Variants in ANTXR2 observed in about 807,000 individuals in gnomAD.
The protein encoded by ANTXR2 is ANTXR cell adhesion molecule 2, also known as anthrax toxin receptor 2.
A neutral mutation model predicts 73.7 loss-of-function variants in ANTXR2; 44 were observed. The ratio of observed to expected loss-of-function variants is 0.60; its 90% CI spans 0.47 to 0.77. The LOEUF (loss-of-function observed/expected upper bound fraction) is 0.77, where lower values mean the gene tolerates loss of function less well. Ranked by LOEUF, ANTXR2 falls within the 30% of genes least tolerant of loss-of-function variation. The pLI, the probability that ANTXR2 is intolerant of heterozygous loss-of-function variation, is 0.00. For synonymous variants in ANTXR2, 217 were observed against 205.9 expected (o/e 1.05, Z -0.46); for missense variants, 604 against 592.5 (o/e 1.02, Z -0.20).
intron 7 of ANTXR2, among the ~76,000 whole-genome samples, chr4:80,048,881 T>C (rs763009300): frequency 6.6e-6 from 1 of 151,736 alleles, no homozygotes; most frequent in South Asian, 2.1e-4. Flanking sequence ...TAGGTACTTT[T>C]TGAAATTTCA....
At chr4:79,983,993 T>C in intron 13 of ANTXR2, 23 bp from the exon 14 acceptor site, 1 of 1,469,522 alleles carries the variant, frequency 6.8e-7, no homozygotes, top group East Asian at 2.4e-5. Flanking sequence ...GTTTTATAAA[T>C]AGTTTTTAAT....
At chr4:79,960,904 A>G (rs1041369033) in intron 16 of ANTXR2, among the ~76,000 whole-genome samples, 1 of 151,996 alleles carries the variant, frequency 6.6e-6, no homozygotes, top group Non-Finnish European at 1.5e-5. Flanking sequence ...AAAATGAGAG[A>G]TATTTAGCAA....
At chr4:79,980,944 A>G (rs1553929944) in intron 14 of ANTXR2, among the ~76,000 whole-genome samples, 1 of 122,522 alleles carries the variant, frequency 8.2e-6, no homozygotes, top group Non-Finnish European at 1.9e-5. Context: ...AAAAAAAAAG[A>G]GAAGTACCTT....
chr4:80,023,911 G>C (rs1304822423), intron 10 of ANTXR2, among the ~76,000 whole-genome samples: 1 of 152,204 alleles, frequency 6.6e-6, no homozygotes, highest in East Asian at 1.9e-4. Flanking sequence ...CGTCTTAAGA[G>C]TTTTAAGTTT....
In ANTXR2 at chr4:80,059,995, C is replaced by T. The variant is rs139530767; in HGVS notation, c.297-3982G>A. 5.9e-5 allele frequency among the ~76,000 whole-genome samples: 9 copies of T among 152,222 alleles called. No individual in the cohort carries two copies. The East Asian group carries it at 1.4e-3, about 23-fold the overall frequency. On this transcript the variant is annotated intron_variant, in intron 3 of 16. Transcript: ENST00000403729. ...CAGTATCTCCTACTTTTTCTTTCTA[C>T]GATGTGTCTGTACAGTACTTGAACT...
intron 16 of ANTXR2, among the ~76,000 whole-genome samples, chr4:79,966,877 C>T (rs965314575): frequency 3.4e-4 from 51 of 151,992 alleles, no homozygotes; most frequent in Middle Eastern, 3.4e-3. Context: ...AAGATATTTA[C>T]TGTGCTGGCG....
chr4:79,908,909 A>G (rs1727019070), intron 16 of ANTXR2, among the ~76,000 whole-genome samples: 1 of 152,186 alleles, frequency 6.6e-6, no homozygotes, highest in Admixed American at 6.5e-5. Flanking sequence ...CCAAAACACA[A>G]TAAAACAATA....
chr4:80,050,881 G>C (rs62298645), intron 7 of ANTXR2, among the ~76,000 whole-genome samples: 20,492 of 151,452 alleles, frequency 0.14, 2,764 homozygotes, highest in East Asian at 0.71. Flanking sequence ...ATTAATCTTC[G>C]ATAATTTCCT....
At chr4:80,047,018 C>T (rs895574759) in intron 7 of ANTXR2, among the ~76,000 whole-genome samples, 1 of 151,668 alleles carries the variant, frequency 6.6e-6, no homozygotes, top group Admixed American at 6.6e-5. Context: ...AGCAGGTAAG[C>T]CTCTGTAGGA....
At position 79,903,509 on chromosome 4, in the gene ANTXR2, A is replaced by G. The variant is rs1227155174; in HGVS notation, c.*3920T>C. ...TTTGGCAGGAGAGCACAAAAATAAA[A>G]TACATTAAAAAACCAGCGCAGAACC... On this transcript the variant is annotated 3_prime_UTR_variant, in exon 17 of 17. Transcript: ENST00000403729. 6.6e-6 allele frequency: 1 copy of G among 152,176 alleles called. No homozygotes were observed. The highest frequency in any genetic ancestry group is 1.9e-4 in the East Asian group (1 of 5,192). The allele number at this position is 152,176 out of a possible 1,614,324, so 9.4% of individuals were successfully genotyped here.
intron 16 of ANTXR2, among the ~76,000 whole-genome samples, chr4:79,910,965 C>A (rs183860000): frequency 7.4e-6 from 1 of 135,944 alleles, no homozygotes; most frequent in South Asian, 2.3e-4. Context: ...TGCTGCCATC[C>A]GCTTACCAGA....
chr4:79,913,751 C>T (rs542922324), intron 16 of ANTXR2, among the ~76,000 whole-genome samples: 15 of 152,228 alleles, frequency 9.9e-5, no homozygotes, highest in East Asian at 1.9e-4. Context: ...GTGTAAACCA[C>T]GAAGTCCTGT....
At chr4:80,003,661 A>G (rs1560973413) in intron 12 of ANTXR2, among the ~76,000 whole-genome samples, 2 of 152,088 alleles carry the variant, frequency 1.3e-5, no homozygotes, top group Non-Finnish European at 2.9e-5. Context: ...GCACACGAAA[A>G]CATGTTCCTC....
At chr4:80,071,540 C>T (rs766652512) in intron 2 of ANTXR2, 43 bp downstream of exon 2, 3 of 1,502,132 alleles carry the variant, frequency 2.0e-6, no homozygotes, top group East Asian at 2.3e-5. Context: ...CTACACTTTG[C>T]TCTACTTCTC....
chr4:80,008,526 T>C lies in ANTXR2; in HGVS notation c.1036A>G (p.Lys346Glu). 6.2e-7 allele frequency: 1 copy of C among 1,606,890 alleles called. No individual in the cohort carries two copies. The highest frequency in any genetic ancestry group is 2.2e-5 in the East Asian group (1 of 44,468). The stretch of plus-strand genomic sequence containing the variant: ...TGTAAATCCTTCTTACTCACCACTT[T>C]GCAGCAAAGGGGCCAAAACCACCAC... Reference protein sequence around the residue: ...LMWWFWPLCCKVVIKDPPPPP... With the variant: ...LMWWFWPLCCEVVIKDPPPPP... The change falls in exon 12 of 17, where the codon AAA (lysine) becomes GAA (glutamate). Residue 346 changes from lysine (K) to glutamate (E), a missense_variant. Coordinates refer to ENST00000403729, the MANE Select transcript of ANTXR2 (RefSeq NM_058172.6).
rs1050601119 is a variant in ANTXR2, at chr4:80,072,818, GTCC to G, written c.-261_-259del. On this transcript the variant is annotated 5_prime_UTR_variant, in exon 1 of 17. Transcript: ENST00000403729. ...CGAATCCCAGTGGAAGCGCGATCCA[GTCC>G]TCCCCCTCCCGATTCCGGAGAGTTC... is the stretch of plus-strand genomic sequence containing the variant. The G allele has an allele frequency of 1.5e-5, 13 of 856,144 alleles. No homozygotes were observed. In the African/African-American group the frequency reaches 2.3e-4, roughly 15 times the overall value. 53.0% of individuals were successfully genotyped at this position (856,144 alleles called of 1,614,324 possible).
chr4:80,041,125 G>T (rs1200423567), intron 7 of ANTXR2, among the ~76,000 whole-genome samples: 1 of 151,866 alleles, frequency 6.6e-6, no homozygotes, highest in Non-Finnish European at 1.5e-5. Context: ...TTTTATCCAT[G>T]TTTTATTGAT....
chr4:79,929,767 C>T (rs1245318151), intron 16 of ANTXR2, among the ~76,000 whole-genome samples: 2 of 152,072 alleles, frequency 1.3e-5, no homozygotes, highest in Non-Finnish European at 2.9e-5. Context: ...AAACCAGTTA[C>T]AAACATCTTT....
chr4:79,926,819 A>C lies in ANTXR2; in HGVS notation c.1429-19352T>G, dbSNP rs2109953171. Among the ~76,000 whole-genome samples, 2 of 152,118 alleles carry C rather than the reference A, an allele frequency of 1.3e-5. 1 individual carries two copies. The highest frequency in any genetic ancestry group is 4.2e-4 in the South Asian group (2 of 4,818). On this transcript the variant is annotated intron_variant, in intron 16 of 16. Coordinates refer to ENST00000403729, the MANE Select transcript of ANTXR2 (RefSeq NM_058172.6). Reference sequence around the variant, plus strand: ...TTATTCACAGTAGCCAAGATATGGAAACAATGTAAGTATCCATCAGCAGAT... The same window carrying C: ...TTATTCACAGTAGCCAAGATATGGACACAATGTAAGTATCCATCAGCAGAT...
Sources: gnomAD v4.1 joint callset for allele counts (sites outside exome capture counted in the v4.1 genomes callset) on GRCh38, gnomAD v4.1.1 for gene constraint, MANE v1.5 for transcripts, NCBI Gene and HGNC (gene_info 2026-07-23, HGNC 2026-07-21) for gene names.